The following NAF1 variants were observed in gnomAD, a reference collection of about 807,000 sequenced individuals.
NAF1 encodes the protein nuclear assembly factor 1 ribonucleoprotein, also known as H/ACA ribonucleoprotein complex non-core subunit NAF1.
NAF1 carries 11 observed loss-of-function variants against 40.6 expected under a neutral mutation model. The ratio of observed to expected loss-of-function variants is 0.27; its 90% confidence interval spans 0.17 to 0.45. The LOEUF (loss-of-function observed/expected upper bound fraction) is 0.45. Among genes scored for constraint, NAF1 ranks in the 20% least tolerant of loss-of-function variants. The pLI, the probability that NAF1 is intolerant of heterozygous loss-of-function variation, is 1.00. For synonymous variants in NAF1, 260 were observed against 228.5 expected, an observed-to-expected ratio of 1.14 and a Z score of -1.24; for missense variants, 607 against 611.1, an observed-to-expected ratio of 0.99 and a Z score of 0.07.
At chr4:163,132,822 A>C (rs1730921793) in intron 7 of NAF1, among the ~76,000 whole-genome samples, 1 of 152,264 alleles carries the variant, frequency 6.6e-6, no homozygotes, top group Admixed American at 6.5e-5. Flanking sequence ...GGTAAAGGGA[A>C]TGCATGTTTA....
At chr4:163,137,286 C>A (rs1297475420) in intron 5 of NAF1, 36 bp from the exon 6 acceptor site, 3 of 1,586,928 alleles carry the variant, frequency 1.9e-6, no homozygotes, top group South Asian at 1.2e-5. Flanking sequence ...AAAAAGTATT[C>A]ATCACAATTC....
intron 4 of NAF1, among the ~76,000 whole-genome samples, chr4:163,141,262 G>A (rs1224875880): frequency 3.9e-5 from 6 of 152,100 alleles, no homozygotes; most frequent in African/African-American, 1.4e-4. Context: ...CCACTCAGGG[G>A]CTGAGGCAAG....
chr4:163,123,058 GT>G (rs1214633874), downstream of NAF1, among the ~76,000 whole-genome samples: 14 of 152,276 alleles, frequency 9.2e-5, no homozygotes, highest in African/African-American at 3.4e-4. Flanking sequence ...AAGAAAAGAG[GT>G]TTATTTAGCT....
chr4:163,116,829 AC>A (rs1454083044), intron 2 of NAF1, among the ~76,000 whole-genome samples: 1 of 152,138 alleles, frequency 6.6e-6, no homozygotes, highest in Non-Finnish European at 1.5e-5. Context: ...AGGGACGACC[AC>A]CCTACCTAGC....
At chr4:163,118,056 C>A (rs900690582) in intron 2 of NAF1, among the ~76,000 whole-genome samples, 1 of 151,918 alleles carries the variant, frequency 6.6e-6, no homozygotes, top group Non-Finnish European at 1.5e-5. Context: ...TTTTGATGAA[C>A]AACTGACCTG....
rs114165360 is a variant in NAF1 at position 163,150,874 on chromosome 4, A to G, written c.541-2440T>C. ...TTCTTAAAAAGTCACGTCAATTCACATTTCCACAATGTATGAGAGATTTCC... is the reference window on the plus strand; with the variant it reads ...TTCTTAAAAAGTCACGTCAATTCACGTTTCCACAATGTATGAGAGATTTCC... On this transcript the variant is annotated intron_variant, in intron 2 of 7. Transcript: ENST00000274054. Among the ~76,000 whole-genome samples, 601 of 152,236 alleles carry G rather than the reference A, an allele frequency of 3.9e-3. 4 individuals are homozygous for G. The highest frequency in any genetic ancestry group is 0.014 in the African/African-American group (564 of 41,568).
At chr4:163,143,983 A>G in intron 4 of NAF1, 1 of 965,392 alleles carries the variant, frequency 1.0e-6, no homozygotes. Context: ...ACCTTGAAAT[A>G]TGTCATGAGA....
At position 163,110,232 on chromosome 4, in the gene NAF1, T is replaced by C. The variant is rs1195753388; in HGVS notation, c.*44A>G. 4.2e-5 allele frequency: 29 copies of C among 698,174 alleles called. 1 individual carries two copies. In the Admixed American group the frequency reaches 5.5e-4, roughly 13 times the overall value. 43.2% of individuals were successfully genotyped at this position (698,174 alleles called of 1,614,324 possible). On this transcript the variant is annotated 3_prime_UTR_variant, in exon 3 of 3. Transcript: ENST00000509434. ...ATACCATCATTTGAGGATACAGTAC[T>C]CTCCCCTCATCTGTGCTGTCACTTT...
In NAF1 at chr4:163,129,259, G is replaced by T. The variant is rs1414961716; in HGVS notation, c.1123C>A (p.Arg375=). Residue 375 remains arginine (R), a synonymous_variant, in exon 8 of 8, where the codon CGA becomes AGA. Coordinates refer to ENST00000274054, the MANE Select transcript of NAF1 (RefSeq NM_138386.3). ...GGGTATCTGGCCCTGGAAAATCCTC[G>T]TGTGAATTCTCTGTTACGATATCCT... ...AKGYRNREFT[R]GFSRARYPRS... 1.2e-6 allele frequency: 2 copies of T among 1,614,100 alleles called. No individual in the cohort carries two copies. Among genetic ancestry groups the T allele is most frequent in the Non-Finnish European group, 1.7e-6 (2 of 1,179,992 alleles).
At chr4:163,127,339 A>G (rs186769443), downstream of NAF1, among the ~76,000 whole-genome samples, 1 of 152,298 alleles carries the variant, frequency 6.6e-6, no homozygotes, top group African/African-American at 2.4e-5. Context: ...TATGTTGGCC[A>G]GGCTGGTCTC....
Position 163,151,991 on chromosome 4 carries a change from T to C in NAF1, c.541-3557A>G, listed in dbSNP as rs965245852. 2.6e-5 allele frequency among the ~76,000 whole-genome samples: 4 copies of C among 152,198 alleles called. No individual in the cohort carries two copies. In the South Asian group the frequency reaches 6.2e-4, roughly 24 times the overall value. On this transcript the variant is annotated intron_variant, in intron 2 of 7. Coordinates refer to ENST00000274054, the MANE Select transcript of NAF1 (RefSeq NM_138386.3). ...ATTTACTTTTAGTAATTTTCTTGTA[T>C]ATTTATTATACAACCATATTTTCAA...
At chr4:163,110,468 T>C (rs981155005) in intron 2 of NAF1, among the ~76,000 whole-genome samples, 1 of 152,164 alleles carries the variant, frequency 6.6e-6, no homozygotes, top group Admixed American at 6.6e-5. Context: ...GGAAAAATCA[T>C]GGTATATATA....
chr4:163,158,198 C>A (rs544080804), intron 2 of NAF1: 1 of 152,204 alleles, frequency 6.6e-6, no homozygotes, highest in Admixed American at 6.5e-5. Context: ...TTACCCAACA[C>A]AGGACATGCA....
At chr4:163,140,431 T>C in intron 4 of NAF1, 48 bp from the exon 5 acceptor site, 1 of 1,501,800 alleles carries the variant, frequency 6.7e-7, no homozygotes, top group Non-Finnish European at 9.0e-7. Flanking sequence ...AATAACTATT[T>C]GAAAAGTCAG....
downstream of NAF1, among the ~76,000 whole-genome samples, chr4:163,127,709 C>T (rs981700018): frequency 6.6e-6 from 1 of 152,162 alleles, no homozygotes; most frequent in Admixed American, 6.5e-5. Flanking sequence ...AGCCTCTCAA[C>T]TTGTGTACTA....
Position 163,148,364 on chromosome 4 carries a change from A to C in NAF1, c.611T>G (p.Val204Gly). The change falls in exon 3 of 8, where the codon GTT (valine) becomes GGT (glycine). Residue 204 changes from valine to glycine, a missense_variant. Physicochemically the swap from Val to Gly is moderately radical, Grantham distance 109. Coordinates refer to ENST00000274054, the MANE Select transcript of NAF1 (RefSeq NM_138386.3). ...ACCTAGTTGTTCAATAATACTTGAAACCATCCCAAGAGGCTTTAACTCAAT... is the reference window on the plus strand; with the variant it reads ...ACCTAGTTGTTCAATAATACTTGAACCCATCCCAAGAGGCTTTAACTCAAT... ...EDIELKPLGM[V>G]SSIIEQLVII... is the part of the protein sequence containing the mutation. 6.4e-7 allele frequency: 1 copy of C among 1,569,442 alleles called. No homozygotes were observed. The highest frequency in any genetic ancestry group is 8.6e-7 in the Non-Finnish European group (1 of 1,164,216).
chr4:163,128,989 G>GT lies in NAF1; in HGVS notation c.1392dup (p.Pro465ThrfsTer22), dbSNP rs1220780044. On this transcript the variant is annotated frameshift_variant, in exon 8 of 8. Transcript: ENST00000274054. LOFTEE classifies it high-confidence loss of function. ...GGAGGGGGTGGGGGTAGGGAGTATG[G>GT]TAAGTTAAGTAATGGATGAGCAGCC... 7.1e-7 allele frequency: 1 copy of GT among 1,414,138 alleles called. No homozygotes were observed. The highest frequency in any genetic ancestry group is 1.2e-5 in the South Asian group (1 of 83,128). 87.6% of individuals were successfully genotyped at this position (1,414,138 alleles called of 1,614,324 possible).
At chr4:163,140,054 C>A (rs1184131285) in intron 5 of NAF1, among the ~76,000 whole-genome samples, 169 bp downstream of exon 5, 1 of 151,892 alleles carries the variant, frequency 6.6e-6, no homozygotes, top group African/African-American at 2.4e-5. Context: ...ATGAATTCTA[C>A]GTACAAAATC....
At chr4:163,112,861 G>C (rs759914382) in intron 2 of NAF1, among the ~76,000 whole-genome samples, 7 of 152,186 alleles carry the variant, frequency 4.6e-5, no homozygotes, top group Non-Finnish European at 8.8e-5. Flanking sequence ...TTATGAAATT[G>C]TCACCTTGGT....
Sources: allele counts gnomAD v4.1 joint callset (sites outside exome capture counted in the v4.1 genomes callset), GRCh38; gene constraint gnomAD v4.1.1; transcripts MANE v1.5; gene names NCBI Gene and HGNC (gene_info 2026-07-23, HGNC 2026-07-21).